CNGA1: variants seen among roughly 807,000 people sequenced by gnomAD.
CNGA1 encodes cyclic nucleotide-gated channel alpha-1.
Under a neutral mutation model 69.7 loss-of-function variants are expected in CNGA1, and 53 were observed. That is an observed-to-expected ratio of 0.76 (90% confidence interval 0.61 to 0.96). CNGA1 has a LOEUF of 0.96. Among genes scored for constraint, CNGA1 ranks in the 40% least tolerant of loss-of-function variants. CNGA1 has a pLI of 0.00. For synonymous variants in CNGA1, 249 were observed against 283.5 expected (o/e 0.88, Z 1.22); for missense variants, 739 against 811.2 (o/e 0.91, Z 1.08).
At chr4:47,949,722 G>A (rs1348993338) in intron 6 of CNGA1, 111 bp downstream of exon 6, 1 of 765,972 alleles carries the variant, frequency 1.3e-6, no homozygotes, top group Non-Finnish European at 2.2e-6. Flanking sequence ...CATTGTATTA[G>A]ATCATTTGAT....
Position 47,936,586 on chromosome 4 carries a change from GA to G in CNGA1, c.1895del (p.Leu632ProfsTer20). On this transcript the variant is annotated frameshift_variant, in exon 11 of 11. Transcript: ENST00000514170. LOFTEE classifies it high-confidence loss of function. ...AGATTCGGGCAAACCTGGTTTGCAG[GA>G]GGTCTACTGACCCCTCCATTCGAGT... ...KVTRMEGSVDLLQTRFARILA... is the reference protein window; with the variant it reads ...KVTRMEGSVDXLQTRFARILA... The G allele has an allele frequency of 1.9e-6, 3 of 1,614,156 alleles. No homozygotes were observed. Among genetic ancestry groups the G allele is most frequent in the Non-Finnish European group, 2.5e-6 (3 of 1,180,016 alleles).
intron 3 of CNGA1, among the ~76,000 whole-genome samples, chr4:47,958,466 A>G (rs1359739977): frequency 7.9e-5 from 12 of 152,124 alleles, no homozygotes; most frequent in Non-Finnish European, 1.2e-4. Flanking sequence ...CTCTACAAAA[A>G]TACAAAAATT....
chr4:48,016,468 A>T lies in CNGA1; in HGVS notation c.-223+15T>A, dbSNP rs1715386609. 9.9e-6 allele frequency: 3 copies of T among 303,404 alleles called. No homozygotes were observed. Among genetic ancestry groups the T allele is most frequent in the African/African-American group, 2.2e-5 (1 of 44,624 alleles). 18.8% of individuals were successfully genotyped at this position (303,404 alleles called of 1,614,324 possible). The stretch of plus-strand genomic sequence containing the variant: ...CCTCAGTGCAGCCTCCACTCCACTC[A>T]ATTCCCGGAGTTACCTTGGCGGGCT... On this transcript the variant is annotated intron_variant, in intron 1 of 10. Coordinates refer to ENST00000514170, the MANE Select transcript of CNGA1 (RefSeq NM_001379270.1).
chr4:48,016,179 G>T (rs1030464811), intron 1 of CNGA1, among the ~76,000 whole-genome samples: 1 of 152,200 alleles, frequency 6.6e-6, no homozygotes, highest in Non-Finnish European at 1.5e-5. Context: ...AATGGGGCAG[G>T]GTAGGGGGAG....
intron 2 of CNGA1, among the ~76,000 whole-genome samples, chr4:47,995,752 G>T (rs915778164): frequency 3.3e-5 from 5 of 152,058 alleles, no homozygotes; most frequent in Non-Finnish European, 7.4e-5. Context: ...TGGTTTTCTG[G>T]TTCCTTCTCA....
chr4:47,996,449 C>A (rs2110241992), intron 2 of CNGA1, among the ~76,000 whole-genome samples: 1 of 152,228 alleles, frequency 6.6e-6, no homozygotes, highest in Admixed American at 6.5e-5. Context: ...TGCCCTGAAC[C>A]TTGTTGTTGC....
In CNGA1 at chr4:47,943,258, G is replaced by GTGTTT; in HGVS notation, c.359_360insAAACA (p.Asn120LysfsTer76). 3 of 1,565,276 alleles carry GTGTTT rather than the reference G, an allele frequency of 1.9e-6. No individual in the cohort carries two copies. Among genetic ancestry groups the GTGTTT allele is most frequent in the Non-Finnish European group, 1.7e-6 (2 of 1,155,214 alleles). The stretch of plus-strand genomic sequence containing the variant: ...TTTTCTTCTTTTTCTTCTCTGGGTC[G>GTGTTT]TTTTTATTTTCGTTTTTATCATCTG... On this transcript the variant is annotated frameshift_variant, in exon 8 of 11. Transcript: ENST00000514170. LOFTEE classifies it high-confidence loss of function.
intron 10 of CNGA1, 134 bp from the exon 11 acceptor site, chr4:47,937,963 A>C (rs922961376): frequency 4.5e-6 from 3 of 673,738 alleles, no homozygotes; most frequent in Non-Finnish European, 7.7e-6. Context: ...TTAACAATGT[A>C]ATAAAATACA....
chr4:47,956,213 A>G (rs924309908), intron 3 of CNGA1, among the ~76,000 whole-genome samples: 3 of 152,190 alleles, frequency 2.0e-5, no homozygotes, highest in Non-Finnish European at 4.4e-5. Flanking sequence ...CATTTCTGCT[A>G]TGGCTGCCAG....
chr4:47,962,049 T>C (rs1740470033), intron 3 of CNGA1, among the ~76,000 whole-genome samples: 1 of 152,132 alleles, frequency 6.6e-6, no homozygotes, highest in Admixed American at 6.6e-5. Flanking sequence ...TACAGATTTT[T>C]AAAATATTAA....
At chr4:47,962,864 A>G (rs1740528744) in intron 3 of CNGA1, among the ~76,000 whole-genome samples, 1 of 152,224 alleles carries the variant, frequency 6.6e-6, no homozygotes, top group Non-Finnish European at 1.5e-5. Flanking sequence ...GAGAAAAAAT[A>G]AACCAAAGAC....
At chr4:47,989,208 T>C (rs1822031) in intron 2 of CNGA1, among the ~76,000 whole-genome samples, 26,683 of 152,140 alleles carry the variant, frequency 0.18, 2,523 homozygotes, top group Middle Eastern at 0.24. Context: ...CTGCCAAAAA[T>C]GAGGTGCTCC....
At chr4:47,983,677 T>TA (rs2110221994) in intron 2 of CNGA1, among the ~76,000 whole-genome samples, 1 of 152,344 alleles carries the variant, frequency 6.6e-6, no homozygotes, top group African/African-American at 2.4e-5. Flanking sequence ...GGCAGTGTCT[T>TA]AAGTCTATCT....
At chr4:48,006,630 A>AT (rs71200913) in intron 2 of CNGA1, among the ~76,000 whole-genome samples, 3 of 151,364 alleles carry the variant, frequency 2.0e-5, no homozygotes, top group South Asian at 4.2e-4. Context: ...AAAAGACATA[A>AT]TTTTTTTTTG....
chr4:47,955,897 T>G (rs1434317223), intron 3 of CNGA1, among the ~76,000 whole-genome samples: 1 of 152,226 alleles, frequency 6.6e-6, no homozygotes, highest in African/African-American at 2.4e-5. Flanking sequence ...AAATATAGTT[T>G]TGTGTTTTAA....
chr4:47,999,741 C>T (rs1280673982), intron 2 of CNGA1, among the ~76,000 whole-genome samples: 1 of 152,076 alleles, frequency 6.6e-6, no homozygotes, highest in African/African-American at 2.4e-5. Context: ...TGTGGTGGCA[C>T]TCGCCTGTAG....
chr4:47,951,938 T>C (rs1224910502), intron 4 of CNGA1, among the ~76,000 whole-genome samples: 1 of 152,230 alleles, frequency 6.6e-6, no homozygotes, highest in Non-Finnish European at 1.5e-5. Flanking sequence ...TCTGAGTACT[T>C]TTCATATGTA....
chr4:48,004,710 C>G (rs1043336212), intron 2 of CNGA1, among the ~76,000 whole-genome samples: 4 of 152,296 alleles, frequency 2.6e-5, no homozygotes, highest in African/African-American at 9.6e-5. Flanking sequence ...ATAGGCCACA[C>G]TACTCTGAAG....
chr4:47,997,805 ATAT>A (rs1309776533), intron 2 of CNGA1, among the ~76,000 whole-genome samples: 1 of 152,198 alleles, frequency 6.6e-6, no homozygotes, highest in Non-Finnish European at 1.5e-5. Context: ...TGAATTTTAA[ATAT>A]TATATTCAAA....
Sources: gnomAD v4.1 joint callset for allele counts (sites outside exome capture counted in the v4.1 genomes callset) on GRCh38, gnomAD v4.1.1 for gene constraint, MANE v1.5 for transcripts, NCBI Gene and HGNC (gene_info 2026-07-23, HGNC 2026-07-21) for gene names.